Variants in CPQ observed in about 807,000 individuals in gnomAD.
CPQ encodes carboxypeptidase Q, also known as Ser-Met dipeptidase.
Under a neutral mutation model 45.7 loss-of-function variants are expected in CPQ, and 37 were observed. That is an observed-to-expected ratio of 0.81 (90% confidence interval 0.62 to 1.07). CPQ has a LOEUF of 1.07. Among genes scored for constraint, CPQ ranks in the 50% least tolerant of loss-of-function variants. The pLI is 0.00. For synonymous variants in CPQ, 186 were observed against 205.8 expected, an observed-to-expected ratio of 0.90 and a Z score of 0.82; for missense variants, 537 against 572.9, an observed-to-expected ratio of 0.94 and a Z score of 0.64.
chr8:96,790,994 TAGTC>T (rs1384491579), intron 2 of CPQ, among the ~76,000 whole-genome samples: 1 of 152,158 alleles, frequency 6.6e-6, no homozygotes, highest in Non-Finnish European at 1.5e-5. Flanking sequence ...TCTATAGTGT[TAGTC>T]AGTTTTCTTC....
chr8:96,868,901 T>C (rs1202481414), intron 3 of CPQ, among the ~76,000 whole-genome samples: 5 of 152,002 alleles, frequency 3.3e-5, no homozygotes. Flanking sequence ...TACTGGTTTT[T>C]TAGTTTGCTG....
chr8:96,754,593 TA>T (rs1810308354), intron 1 of CPQ, among the ~76,000 whole-genome samples: 2 of 152,038 alleles, frequency 1.3e-5, no homozygotes, highest in Non-Finnish European at 2.9e-5. Context: ...TAACATTTGC[TA>T]AATTTTCCAT....
chr8:96,662,358 G>A (rs1815710210), intron 1 of CPQ, among the ~76,000 whole-genome samples: 1 of 151,480 alleles, frequency 6.6e-6, no homozygotes, highest in Admixed American at 6.6e-5. Flanking sequence ...AATAAAATGG[G>A]GGGCAAAGTG....
chr8:96,897,421 G>A (rs13282775), intron 4 of CPQ, among the ~76,000 whole-genome samples: 58,021 of 151,802 alleles, frequency 0.38, 11,752 homozygotes, highest in Non-Finnish European at 0.46. Flanking sequence ...CTGTATGAAA[G>A]AAGAACACGT....
At position 96,766,334 on chromosome 8, in the gene CPQ, C is replaced by T. The variant is rs568815827; in HGVS notation, c.-34-18530C>T. On this transcript the variant is annotated intron_variant, in intron 1 of 7. Transcript: ENST00000220763. ...CTTTTGGAGGGTTTTTAGTTGTCATCTCTGTCACTTGGTGTTTATCTTCCT... is the reference window on the plus strand; with the variant it reads ...CTTTTGGAGGGTTTTTAGTTGTCATTTCTGTCACTTGGTGTTTATCTTCCT... 5.3e-5 allele frequency among the ~76,000 whole-genome samples: 8 copies of T among 152,276 alleles called. No homozygotes were observed. In the South Asian group the frequency reaches 8.3e-4, roughly 16 times the overall value.
intron 3 of CPQ, among the ~76,000 whole-genome samples, chr8:96,856,108 G>A (rs1247592491): frequency 1.3e-5 from 2 of 152,232 alleles, no homozygotes; most frequent in Non-Finnish European, 2.9e-5. Flanking sequence ...TATAGGCCCT[G>A]ATTCAGAGCT....
chr8:97,061,504 G>C (rs1476303277), intron 6 of CPQ, among the ~76,000 whole-genome samples: 2 of 152,112 alleles, frequency 1.3e-5, no homozygotes, highest in African/African-American at 4.8e-5. Context: ...CAATTCCTCT[G>C]GGTTGGAATT....
chr8:97,029,162 C>T (rs550100837), intron 5 of CPQ, among the ~76,000 whole-genome samples: 15 of 152,268 alleles, frequency 9.9e-5, no homozygotes, highest in Non-Finnish European at 1.6e-4. Context: ...GAGGCTCTCA[C>T]TTTCTGGCCT....
intron 7 of CPQ, among the ~76,000 whole-genome samples, chr8:97,136,467 G>T (rs554689835): frequency 7.2e-5 from 11 of 152,180 alleles, no homozygotes; most frequent in Admixed American, 4.6e-4. Context: ...TTGGAAGTTG[G>T]ATATCATTAG....
chr8:97,050,593 G>T (rs1359366261), intron 6 of CPQ, among the ~76,000 whole-genome samples: 1 of 152,156 alleles, frequency 6.6e-6, no homozygotes, highest in Admixed American at 6.5e-5. Flanking sequence ...AGCCAGACGT[G>T]GTGGTGCACA....
At chr8:96,994,271 G>A (rs1208668015) in intron 5 of CPQ, among the ~76,000 whole-genome samples, 2 of 152,108 alleles carry the variant, frequency 1.3e-5, no homozygotes, top group Admixed American at 1.3e-4. Context: ...CTGGAAAAAT[G>A]TTGGAAGGAT....
chr8:96,803,455 G>T (rs1451692680), intron 2 of CPQ, among the ~76,000 whole-genome samples: 7 of 152,170 alleles, frequency 4.6e-5, no homozygotes, highest in Non-Finnish European at 1.0e-4. Context: ...TTGTATATGA[G>T]AGATGAAGGA....
intron 1 of CPQ, among the ~76,000 whole-genome samples, chr8:96,708,333 G>A (rs1372497904): frequency 6.6e-6 from 1 of 151,804 alleles, no homozygotes; most frequent in Admixed American, 6.6e-5. Context: ...CAAGAATTAA[G>A]ACTGGATATT....
At chr8:97,135,043 T>C (rs1053023879) in intron 7 of CPQ, among the ~76,000 whole-genome samples, 1 of 152,214 alleles carries the variant, frequency 6.6e-6, no homozygotes, top group African/African-American at 2.4e-5. Flanking sequence ...GTTCAGATAC[T>C]GTGGGACCTG....
intron 5 of CPQ, among the ~76,000 whole-genome samples, chr8:97,022,785 T>G (rs1352066917): frequency 6.6e-6 from 1 of 151,868 alleles, no homozygotes; most frequent in African/African-American, 2.4e-5. Context: ...CTGGTGGGAA[T>G]GTAAACTAGT....
chr8:96,923,476 A>C (rs532043342), intron 4 of CPQ, among the ~76,000 whole-genome samples: 1 of 151,844 alleles, frequency 6.6e-6, no homozygotes, highest in African/African-American at 2.4e-5. Context: ...CCCCTCTCAA[A>C]TGTCATTTTT....
chr8:96,751,190 T>C (rs1295193623), intron 1 of CPQ, among the ~76,000 whole-genome samples: 1 of 152,230 alleles, frequency 6.6e-6, no homozygotes, highest in African/African-American at 2.4e-5. Context: ...TTTCTGCTTC[T>C]AGATCTTTGA....
intron 1 of CPQ, among the ~76,000 whole-genome samples, chr8:96,766,717 G>A (rs746829114): frequency 6.6e-6 from 1 of 152,204 alleles, no homozygotes; most frequent in Non-Finnish European, 1.5e-5. Context: ...CTGGAGCTGT[G>A]TATCCTGCAA....
rs529947213 is a variant in CPQ, at chr8:97,108,669, G to T, written c.1256-34351G>T. ...GTCACCGGGGAGGGGATGGTGAGAT[G>T]ACGCACTAAAGTAAAACTCCTTGTT... On this transcript the variant is annotated intron_variant, in intron 7 of 7. Transcript: ENST00000220763. 2.0e-5 allele frequency among the ~76,000 whole-genome samples: 3 copies of T among 152,292 alleles called. No individual in the cohort carries two copies. In the South Asian group the frequency reaches 6.2e-4, roughly 32 times the overall value.
Sources: allele counts gnomAD v4.1 joint callset (sites outside exome capture counted in the v4.1 genomes callset), GRCh38; gene constraint gnomAD v4.1.1; transcripts MANE v1.5; gene names NCBI Gene and HGNC (gene_info 2026-07-23, HGNC 2026-07-21).